CACNA1I: variants seen among roughly 807,000 people sequenced by gnomAD.
CACNA1I encodes calcium voltage-gated channel subunit alpha1 I, also known as voltage-dependent T-type calcium channel subunit alpha-1I.
In CACNA1I, 74 loss-of-function variants were observed where a neutral mutation model predicts 201.6. That is an observed-to-expected ratio of 0.37 (90% CI 0.30 to 0.45). CACNA1I has a LOEUF of 0.45. Ranked by LOEUF, CACNA1I falls within the 20% of genes least tolerant of loss-of-function variation. The probability of loss-of-function intolerance (pLI) is 1.00; values close to 1 mark genes in which losing one functional copy is unlikely to be tolerated. For missense variants in CACNA1I, 2,346 were observed against 3,138.1 expected (o/e 0.75, Z 6.03); for synonymous variants, 1,431 against 1,345.2 (o/e 1.06, Z -1.40).
At chr22:39,598,294 G>GCCCTGCCCTC in intron 2 of CACNA1I, 32 bp downstream of exon 2, 4 of 893,016 alleles carry the variant, frequency 4.5e-6, no homozygotes, top group Non-Finnish European at 5.7e-6. Context: ...GCCCCGCCCT[G>GCCCTGCCCTC]CCCTCATCCT....
chr22:39,582,602 C>A (rs1392558951), intron 1 of CACNA1I, among the ~76,000 whole-genome samples: 1 of 152,078 alleles, frequency 6.6e-6, no homozygotes, highest in Non-Finnish European at 1.5e-5. Flanking sequence ...GGCACCAAGA[C>A]TGAGAGTGGG....
At chr22:39,682,691 A>C (rs1398910825) in intron 35 of CACNA1I, 30 bp downstream of exon 35, 3 of 1,596,452 alleles carry the variant, frequency 1.9e-6, no homozygotes, top group South Asian at 2.2e-5. Context: ...CCAGCTCCCC[A>C]CAGCCCTCAT....
chr22:39,666,930 G>A lies in CACNA1I; in HGVS notation c.4104+924G>A, dbSNP rs980546747. ...GGGGAACCAGCCAGCGGCCTTTTGTGCCCGTGCTCCTGACCCCCTTCACCT... is the reference window on the plus strand; with the variant it reads ...GGGGAACCAGCCAGCGGCCTTTTGTACCCGTGCTCCTGACCCCCTTCACCT... On this transcript the variant is annotated intron_variant, in intron 23 of 36. Transcript: ENST00000402142. This position sits in a 1 kb window ranked among gnomAD's most constrained non-coding sequence, Gnocchi z 4.1. Among the ~76,000 whole-genome samples the A allele has an allele frequency of 6.6e-6, 1 of 152,210 alleles. No individual in the cohort carries two copies. Among genetic ancestry groups the A allele is most frequent in the Non-Finnish European group, 1.5e-5 (1 of 68,034 alleles).
chr22:39,670,984 G>T, intron 26 of CACNA1I, 30 bp downstream of exon 26: 2 of 1,611,060 alleles, frequency 1.2e-6, no homozygotes, highest in Non-Finnish European at 1.7e-6. Flanking sequence ...CCAGCCCAAG[G>T]TTACAAGGTG....
chr22:39,622,554 T>C (rs1167121226), intron 4 of CACNA1I, among the ~76,000 whole-genome samples: 1 of 130,616 alleles, frequency 7.7e-6, no homozygotes, highest in African/African-American at 2.9e-5. Flanking sequence ...AGGAAGAGGT[T>C]AGCAAGTGGT....
intron 1 of CACNA1I, among the ~76,000 whole-genome samples, chr22:39,578,156 G>A (rs1932422742): frequency 6.6e-6 from 1 of 152,146 alleles, no homozygotes; most frequent in South Asian, 2.1e-4. Context: ...GGCCTGGAGA[G>A]CTGTAAGTGT....
chr22:39,632,574 C>G (rs769102020), intron 4 of CACNA1I, among the ~76,000 whole-genome samples: 9 of 143,414 alleles, frequency 6.3e-5, no homozygotes, highest in South Asian at 2.6e-4. Context: ...GCTGTGAGCT[C>G]TGTGTGTGTG....
At chr22:39,675,897 C>T (rs983189437) in intron 29 of CACNA1I, among the ~76,000 whole-genome samples, 6 of 152,134 alleles carry the variant, frequency 3.9e-5, no homozygotes, top group African/African-American at 1.4e-4. Flanking sequence ...AGGGGGGTCC[C>T]TGGGGGCCAG....
chr22:39,596,878 G>A (rs1362102374), intron 1 of CACNA1I, among the ~76,000 whole-genome samples: 5 of 152,112 alleles, frequency 3.3e-5, no homozygotes, highest in Non-Finnish European at 7.4e-5. Flanking sequence ...GGTCTTGTTT[G>A]CTGCTTTTAC....
intron 1 of CACNA1I, among the ~76,000 whole-genome samples, chr22:39,578,791 C>G (rs1462838892): frequency 6.6e-6 from 1 of 152,190 alleles, no homozygotes; most frequent in East Asian, 1.9e-4. Flanking sequence ...GCCTATTATC[C>G]TCCAGCCCTA....
intron 6 of CACNA1I, 32 bp from the exon 7 acceptor site, chr22:39,642,765 C>T: frequency 1.3e-6 from 2 of 1,529,174 alleles, no homozygotes; most frequent in South Asian, 2.3e-5. Context: ...ATGGGCCAGT[C>T]CTCTCGGCTC....
intron 3 of CACNA1I, among the ~76,000 whole-genome samples, chr22:39,606,615 C>G (rs1172534991): frequency 6.6e-6 from 1 of 152,256 alleles, no homozygotes; most frequent in Non-Finnish European, 1.5e-5. Flanking sequence ...TCACTACAAC[C>G]TCAGCTTCCT....
chr22:39,612,454 G>A (rs1347849813), intron 3 of CACNA1I, among the ~76,000 whole-genome samples: 1 of 152,134 alleles, frequency 6.6e-6, no homozygotes, highest in Non-Finnish European at 1.5e-5. Context: ...CAGAAATCTA[G>A]TTCTCACAGT....
chr22:39,677,424 G>A lies in CACNA1I; in HGVS notation c.4933+5G>A. 2 of 1,558,918 alleles carry A rather than the reference G, an allele frequency of 1.3e-6. No homozygotes were observed. The highest frequency in any genetic ancestry group is 1.7e-6 in the Non-Finnish European group (2 of 1,153,138). On this transcript the variant is annotated splice_donor_5th_base_variant and intron_variant, in intron 30 of 36. Coordinates refer to ENST00000402142, the MANE Select transcript of CACNA1I (RefSeq NM_021096.4). The surrounding 1 kb of genome is among the most constrained non-coding windows in gnomAD (Gnocchi z 4.8). ...TGGAGCTCTTTGGGAAGCTGGGTGA[G>A]TGACTCCCAGAGCAGGCCCGTGGTG...
intron 4 of CACNA1I, among the ~76,000 whole-genome samples, chr22:39,628,160 T>C (rs1933951385): frequency 6.6e-6 from 1 of 152,148 alleles, no homozygotes; most frequent in South Asian, 2.1e-4. Context: ...ATCAAAGGAC[T>C]GGGCCACTGT....
intron 5 of CACNA1I, 97 bp from the exon 6 acceptor site, chr22:39,640,770 A>T: frequency 9.8e-7 from 1 of 1,020,674 alleles, no homozygotes; most frequent in Non-Finnish European, 1.5e-6. Context: ...GGCAGTGACA[A>T]GGCCATCCTG....
chr22:39,664,947 G>A lies in CACNA1I; in HGVS notation c.3851+24G>A, dbSNP rs530761353. 439 of 1,605,606 alleles carry A rather than the reference G, an allele frequency of 2.7e-4. 9 individuals carry two copies. The South Asian group carries it at 4.6e-3, about 17-fold the overall frequency. On this transcript the variant is annotated intron_variant, in intron 21 of 36. Transcript: ENST00000402142. The stretch of plus-strand genomic sequence containing the variant: ...CGGTGAGGACCCCTCCTGGGCGGAT[G>A]GGGGAAAGTGTCATGCACTGTACCG...
At position 39,676,347 on chromosome 22, in the gene CACNA1I, G is replaced by A. The variant is rs546111950; in HGVS notation, c.4855-994G>A. On this transcript the variant is annotated intron_variant, in intron 29 of 36. Coordinates refer to ENST00000402142, the MANE Select transcript of CACNA1I (RefSeq NM_021096.4). This position sits in a 1 kb window ranked among gnomAD's most constrained non-coding sequence, Gnocchi z 4.8. ...TAGTCAGACACTAGCAGTGTAGAAC[G>A]GCTGGCCAGGAAACCCTGCTCTGGA... Among the ~76,000 whole-genome samples the A allele has an allele frequency of 7.4e-5, 11 of 149,252 alleles. No individual in the cohort carries two copies. Among genetic ancestry groups the A allele is most frequent in the South Asian group, 6.4e-4 (3 of 4,658 alleles).
chr22:39,571,039 G>C (rs1029045747), intron 1 of CACNA1I, 51 bp downstream of exon 1: 12 of 1,492,406 alleles, frequency 8.0e-6, no homozygotes, highest in African/African-American at 2.8e-5. Context: ...CTGAAGGGTG[G>C]GGGGCTGGAT....
Sources: gnomAD v4.1 joint callset for allele counts (sites outside exome capture counted in the v4.1 genomes callset) on GRCh38, gnomAD v4.1.1 for gene constraint, Gnocchi (gnomAD v3.1) non-coding constraint, MANE v1.5 for transcripts, NCBI Gene and HGNC (gene_info 2026-07-23, HGNC 2026-07-21) for gene names.